Variants in IGSF3 observed in about 807,000 individuals in gnomAD.
IGSF3 encodes the protein glu-Trp-Ile EWI motif-containing protein 3.
Under a neutral mutation model 114.4 loss-of-function variants are expected in IGSF3, and 23 were observed. That is an observed-to-expected ratio of 0.20 (90% CI 0.14 to 0.28). The LOEUF is 0.28. IGSF3 is among the 10% of genes least tolerant of loss of function. The probability of loss-of-function intolerance (pLI) is 1.00; values close to 1 mark genes in which losing one functional copy is unlikely to be tolerated. For missense variants in IGSF3, 1,172 were observed against 1,591.5 expected, an observed-to-expected ratio of 0.74 and a Z score of 4.48; for synonymous variants, 571 against 645.2, an observed-to-expected ratio of 0.88 and a Z score of 1.74.
intron 2 of IGSF3, among the ~76,000 whole-genome samples, chr1:116,660,603 G>A (rs1427540043): frequency 2.7e-5 from 4 of 148,126 alleles, no homozygotes; most frequent in African/African-American, 7.5e-5. Flanking sequence ...TCAGCCTTCC[G>A]AGGTGCTGGG....
chr1:116,628,494 G>A lies in IGSF3; in HGVS notation c.44-12037C>T, dbSNP rs983416796. On this transcript the variant is annotated intron_variant, in intron 2 of 10. Coordinates refer to ENST00000369486, the MANE Select transcript of IGSF3 (RefSeq NM_001007237.3). This position sits in a 1 kb window ranked among gnomAD's most constrained non-coding sequence, Gnocchi z 4.2. ...ACTCAGATCTAGGTGACCTTGACCA[G>A]ATGGGCATCTGTATTCCATTACCCA... is the stretch of plus-strand genomic sequence containing the variant. Among the ~76,000 whole-genome samples, 1 of 152,016 alleles carries A rather than the reference G, an allele frequency of 6.6e-6. No individual in the cohort carries two copies. The highest frequency in any genetic ancestry group is 1.5e-5 in the Non-Finnish European group (1 of 68,010).
Position 116,616,000 on chromosome 1 carries a change from G to A in IGSF3, c.421+80C>T. ...TTTGGGATTTTTTTTAAAGTCAAAT[G>A]CATGGCATAAAGCAAAATTACGCTA... On this transcript the variant is annotated intron_variant, in intron 3 of 10. Coordinates refer to ENST00000369486, the MANE Select transcript of IGSF3 (RefSeq NM_001007237.3). The surrounding 1 kb of genome is among the most constrained non-coding windows in gnomAD (Gnocchi z 4.3). The A allele has an allele frequency of 7.9e-7, 1 of 1,267,052 alleles. No homozygotes were observed. Among genetic ancestry groups the A allele is most frequent in the South Asian group, 1.5e-5 (1 of 64,618 alleles). The allele number at this position is 1,267,052 out of a possible 1,614,324, so 78.5% of individuals were successfully genotyped here.
In IGSF3 at chr1:116,594,334, G is replaced by T. The variant is rs1226198215; in HGVS notation, c.2030-5230C>A. Among the ~76,000 whole-genome samples, 1 of 152,174 alleles carries T rather than the reference G, an allele frequency of 6.6e-6. No homozygotes were observed. Among genetic ancestry groups the T allele is most frequent in the Non-Finnish European group, 1.5e-5 (1 of 68,030 alleles). Reference sequence around the variant, plus strand: ...CTAGGACAATATAGCAAATTTTAAAGATATGATTAGGAATGTTATATTGTA... The same window carrying T: ...CTAGGACAATATAGCAAATTTTAAATATATGATTAGGAATGTTATATTGTA... On this transcript the variant is annotated intron_variant, in intron 7 of 10. Coordinates refer to ENST00000369486, the MANE Select transcript of IGSF3 (RefSeq NM_001007237.3). This position sits in a 1 kb window ranked among gnomAD's most constrained non-coding sequence, Gnocchi z 5.2.
rs1427290798 is a variant in IGSF3 at position 116,651,014 on chromosome 1, C to T, written c.43+15270G>A. Among the ~76,000 whole-genome samples, 1 of 152,222 alleles carries T rather than the reference C, an allele frequency of 6.6e-6. No individual in the cohort carries two copies. Among genetic ancestry groups the T allele is most frequent in the African/African-American group, 2.4e-5 (1 of 41,454 alleles). On this transcript the variant is annotated intron_variant, in intron 2 of 10. Coordinates refer to ENST00000369486, the MANE Select transcript of IGSF3 (RefSeq NM_001007237.3). The surrounding 1 kb of genome is among the most constrained non-coding windows in gnomAD (Gnocchi z 4.4). ...GGCCTTCTCCTCAGTTCAACCCTTG[C>T]CTCTGAGGACCAGTGGTCTACAGTC...
intron 2 of IGSF3, among the ~76,000 whole-genome samples, chr1:116,639,434 T>G (rs564721084): frequency 2.6e-5 from 4 of 152,332 alleles, no homozygotes; most frequent in Non-Finnish European, 4.4e-5. Context: ...AGGCCTGTCC[T>G]CCCTACTCCT....
At position 116,588,842 on chromosome 1, in the gene IGSF3, C is replaced by A; in HGVS notation, c.2292G>T (p.Leu764=). 6.2e-7 allele frequency: 1 copy of A among 1,614,216 alleles called. No homozygotes were observed. Among genetic ancestry groups the A allele is most frequent in the Non-Finnish European group, 8.5e-7 (1 of 1,180,026 alleles). ...LQFERHVSGG[L]FSLTVQRAEV... ...CGGCTCTCTGGACGGTGAGGCTGAA[C>A]AGGCCCCCCGACACATGCCTCTCAA... The change falls in exon 8 of 11, where the codon CTG becomes CTT. Residue 764 remains leucine, a synonymous_variant. Coordinates refer to ENST00000369486, the MANE Select transcript of IGSF3 (RefSeq NM_001007237.3). This position sits in a 1 kb window ranked among gnomAD's most constrained non-coding sequence, Gnocchi z 4.9.
intron 7 of IGSF3, among the ~76,000 whole-genome samples, chr1:116,591,161 TAAGCTCCC>T (rs1660095112): frequency 6.6e-6 from 1 of 152,214 alleles, no homozygotes; most frequent in African/African-American, 2.4e-5. Context: ...GGTTTACCAT[TAAGCTCCC>T]AAGCTCTGGA....
Position 116,651,971 on chromosome 1 carries a change from T to A in IGSF3, c.43+14313A>T, listed in dbSNP as rs1388911632. Among the ~76,000 whole-genome samples the A allele has an allele frequency of 6.6e-6, 1 of 152,194 alleles. No homozygotes were observed. The highest frequency in any genetic ancestry group is 1.9e-4 in the East Asian group (1 of 5,198). On this transcript the variant is annotated intron_variant, in intron 2 of 10. Coordinates refer to ENST00000369486, the MANE Select transcript of IGSF3 (RefSeq NM_001007237.3). This position sits in a 1 kb window ranked among gnomAD's most constrained non-coding sequence, Gnocchi z 4.4. Reference sequence around the variant, plus strand: ...CTGGCCAAGCATATAGCAGAACACATCATATATTTGTTAAATGTATTGATT... The same window carrying A: ...CTGGCCAAGCATATAGCAGAACACAACATATATTTGTTAAATGTATTGATT...
rs780035460 is a variant in IGSF3, at chr1:116,613,777, C to T, written c.820G>A (p.Val274Ile). ...CAGAGGGACTGACCAGTTGGCTGGACGTTGACCACGGCTCCCTCGGAACGC... is the reference window on the plus strand; with the variant it reads ...CAGAGGGACTGACCAGTTGGCTGGATGTTGACCACGGCTCCCTCGGAACGC... Reference protein sequence around the residue: ...RKRSEGAVVNVQPTDKEFTVR... With the variant: ...RKRSEGAVVNIQPTDKEFTVR... Residue 274 changes from valine to isoleucine, a missense_variant, in exon 4 of 11, where the codon GTC (valine) becomes ATC (isoleucine). Physicochemically the swap from Val to Ile is conservative, Grantham distance 29. Transcript: ENST00000369486. 1.4e-5 allele frequency: 23 copies of T among 1,613,282 alleles called. No individual in the cohort carries two copies. Among genetic ancestry groups the T allele is most frequent in the East Asian group, 4.5e-5 (2 of 44,880 alleles).
intron 2 of IGSF3, among the ~76,000 whole-genome samples, chr1:116,637,987 G>A (rs1378202367): frequency 6.6e-6 from 1 of 152,154 alleles, no homozygotes; most frequent in African/African-American, 2.4e-5. Flanking sequence ...GACTGCTCTT[G>A]TCCTGCCTAT....
intron 7 of IGSF3, among the ~76,000 whole-genome samples, chr1:116,597,898 G>A (rs988257196): frequency 6.6e-6 from 1 of 152,166 alleles, no homozygotes; most frequent in African/African-American, 2.4e-5. Context: ...GCAAAATAGG[G>A]ATACAAACAC....
Position 116,585,377 on chromosome 1 carries a change from C to T in IGSF3, c.2441-325G>A, listed in dbSNP as rs1383943782. On this transcript the variant is annotated intron_variant, in intron 8 of 10. Transcript: ENST00000369486. The surrounding 1 kb of genome is among the most constrained non-coding windows in gnomAD (Gnocchi z 4.9). ...AATGACAACGGACCACAAAACATGT[C>T]GCTGGCCGGGGCAGGTGGCTGGGAA... Among the ~76,000 whole-genome samples the T allele has an allele frequency of 1.3e-5, 2 of 152,112 alleles. No individual in the cohort carries two copies. Among genetic ancestry groups the T allele is most frequent in the African/African-American group, 2.4e-5 (1 of 41,404 alleles).
At chr1:116,622,583 C>T (rs1661458986) in intron 2 of IGSF3, among the ~76,000 whole-genome samples, 1 of 152,140 alleles carries the variant, frequency 6.6e-6, no homozygotes, top group South Asian at 2.1e-4. Context: ...TTTCTCAATA[C>T]CTTTTCTCTA....
In IGSF3 at chr1:116,662,680, C is replaced by A. The variant is rs1649164747; in HGVS notation, c.43+3604G>T. ...CTGACAAGAATTTCCTTCTCCTGCA[C>A]CCTTGTCAAATGGTCCCCAGGAAAG... On this transcript the variant is annotated intron_variant, in intron 2 of 10. Transcript: ENST00000369486. This position sits in a 1 kb window ranked among gnomAD's most constrained non-coding sequence, Gnocchi z 4.3. 6.6e-6 allele frequency among the ~76,000 whole-genome samples: 1 copy of A among 152,146 alleles called. No homozygotes were observed.
chr1:116,602,362 TAAA>T (rs113856068), intron 6 of IGSF3, among the ~76,000 whole-genome samples: 1 of 145,158 alleles, frequency 6.9e-6, no homozygotes, highest in Non-Finnish European at 1.5e-5. Context: ...CCAGGATGGT[TAAA>T]AAAAAAAAAA....
chr1:116,577,643 G>C lies in IGSF3; in HGVS notation c.3335-81C>G. The C allele has an allele frequency of 7.1e-7, 1 of 1,407,436 alleles. No homozygotes were observed. Among genetic ancestry groups the C allele is most frequent in the Non-Finnish European group, 9.8e-7 (1 of 1,019,392 alleles). 87.2% of individuals were successfully genotyped at this position (1,407,436 alleles called of 1,614,324 possible). On this transcript the variant is annotated intron_variant, in intron 10 of 10. Transcript: ENST00000369486. The surrounding 1 kb of genome is among the most constrained non-coding windows in gnomAD (Gnocchi z 5.7). ...ACATTTCCTTTTGAAGACCTCACCT[G>C]ACCCAGTGGAAGCTCCTCGGTGACA...
chr1:116,643,618 C>T (rs868026896), intron 2 of IGSF3, among the ~76,000 whole-genome samples: 4 of 152,388 alleles, frequency 2.6e-5, no homozygotes, highest in African/African-American at 9.6e-5. Flanking sequence ...GGCACAGCGA[C>T]TGACAAGGAT....
chr1:116,640,644 A>G (rs745313732), intron 2 of IGSF3, among the ~76,000 whole-genome samples: 4 of 152,192 alleles, frequency 2.6e-5, no homozygotes, highest in Non-Finnish European at 5.9e-5. Context: ...GCTTTATACC[A>G]TGGTCCACTG....
rs2101060291 is a variant in IGSF3 at position 116,644,924 on chromosome 1, G to A, written c.43+21360C>T. ...CGGTCCCCTTCATACATGGCTGGTG[G>A]GGAGGTAGGATGGTGCAGCCACTTT... On this transcript the variant is annotated intron_variant, in intron 2 of 10. Transcript: ENST00000369486. This position sits in a 1 kb window ranked among gnomAD's most constrained non-coding sequence, Gnocchi z 5.6. Among the ~76,000 whole-genome samples, 1 of 152,232 alleles carries A rather than the reference G, an allele frequency of 6.6e-6. No individual in the cohort carries two copies. Among genetic ancestry groups the A allele is most frequent in the Admixed American group, 6.5e-5 (1 of 15,296 alleles).
Sources: allele counts gnomAD v4.1 joint callset (sites outside exome capture counted in the v4.1 genomes callset), GRCh38; gene constraint gnomAD v4.1.1; non-coding constraint Gnocchi (gnomAD v3.1); transcripts MANE v1.5; gene names NCBI Gene and HGNC (gene_info 2026-07-23, HGNC 2026-07-21).